Variants in DCC observed in about 807,000 individuals in gnomAD.
DCC encodes the protein DCC netrin 1 receptor.
DCC carries 58 observed loss-of-function variants against 172.5 expected under a neutral mutation model. That is an observed-to-expected ratio of 0.34 (90% CI 0.27 to 0.42). DCC has a LOEUF of 0.42. Among genes scored for constraint, DCC ranks in the 10% least tolerant of loss-of-function variants. The pLI is 1.00. For synonymous variants in DCC, 709 were observed against 644.5 expected (o/e 1.10, Z -1.52); for missense variants, 1,740 against 1,791.0 (o/e 0.97, Z 0.51).
chr18:53,235,475 A>G (rs562394946), intron 12 of DCC, among the ~76,000 whole-genome samples: 28 of 152,316 alleles, frequency 1.8e-4, no homozygotes, highest in South Asian at 1.0e-3. Context: ...CTTGTCTTCC[A>G]AGTAAGCATT....
chr18:52,852,911 T>C (rs1054986718), intron 2 of DCC, among the ~76,000 whole-genome samples: 5 of 152,204 alleles, frequency 3.3e-5, no homozygotes, highest in Non-Finnish European at 7.3e-5. Flanking sequence ...CTGTTAGTGG[T>C]TCCAGCTAAT....
chr18:52,801,293 C>A (rs1192709547), intron 2 of DCC, among the ~76,000 whole-genome samples: 2 of 152,166 alleles, frequency 1.3e-5, no homozygotes, highest in South Asian at 2.1e-4. Context: ...GAAGTCATGT[C>A]TTTTAGTGAT....
At chr18:52,800,895 T>C (rs1056294837) in intron 2 of DCC, among the ~76,000 whole-genome samples, 5 of 152,204 alleles carry the variant, frequency 3.3e-5, no homozygotes, top group African/African-American at 4.8e-5. Flanking sequence ...CTGGGCCAGC[T>C]GGACTGGTAT....
intron 21 of DCC, among the ~76,000 whole-genome samples, chr18:53,417,672 T>C (rs1910398033): frequency 6.6e-6 from 1 of 152,122 alleles, no homozygotes; most frequent in Non-Finnish European, 1.5e-5. Flanking sequence ...TATTTTAAAA[T>C]AATAGAGAAA....
intron 8 of DCC, among the ~76,000 whole-genome samples, chr18:53,160,475 G>A (rs1355289872): frequency 6.6e-6 from 1 of 152,116 alleles, no homozygotes; most frequent in Non-Finnish European, 1.5e-5. Flanking sequence ...TTGCATCAAT[G>A]TTTTGCCTGC....
intron 1 of DCC, among the ~76,000 whole-genome samples, chr18:52,716,799 C>A (rs1031356857): frequency 6.6e-6 from 1 of 152,202 alleles, no homozygotes; most frequent in African/African-American, 2.4e-5. Context: ...TTCAGTTTCT[C>A]TGAGCATTCT....
chr18:53,098,520 GT>G (rs1369895399), intron 7 of DCC, among the ~76,000 whole-genome samples: 2 of 152,144 alleles, frequency 1.3e-5, no homozygotes, highest in African/African-American at 4.8e-5. Context: ...TTTATCCAGT[GT>G]TTCGTGATGA....
chr18:52,994,889 T>C (rs1441401671), intron 5 of DCC, among the ~76,000 whole-genome samples: 1 of 152,134 alleles, frequency 6.6e-6, no homozygotes, highest in Non-Finnish European at 1.5e-5. Context: ...TTGATTTTTT[T>C]CTCTAAATTT....
At chr18:53,457,161 A>G (rs2045493240) in intron 23 of DCC, among the ~76,000 whole-genome samples, 1 of 152,236 alleles carries the variant, frequency 6.6e-6, no homozygotes, top group Non-Finnish European at 1.5e-5. Flanking sequence ...AATCCAGCAG[A>G]AAAATGCCTG....
At chr18:52,680,809 A>G (rs538487000) in intron 1 of DCC, among the ~76,000 whole-genome samples, 41 of 152,166 alleles carry the variant, frequency 2.7e-4, no homozygotes, top group African/African-American at 9.4e-4. Flanking sequence ...CTCTTCTTAC[A>G]CTGCCCTTCC....
intron 1 of DCC, among the ~76,000 whole-genome samples, chr18:52,352,843 G>A (rs2144248583): frequency 6.6e-6 from 1 of 152,248 alleles, no homozygotes; most frequent in South Asian, 2.1e-4. Context: ...TCTACTCCAA[G>A]TGTGCAGTCC....
intron 2 of DCC, among the ~76,000 whole-genome samples, chr18:52,823,305 G>T (rs2083333775): frequency 6.6e-6 from 1 of 152,088 alleles, no homozygotes; most frequent in South Asian, 2.1e-4. Flanking sequence ...TCTCTCAAAA[G>T]AAAACATCCG....
At chr18:52,436,489 G>A (rs539488198) in intron 1 of DCC, among the ~76,000 whole-genome samples, 1 of 152,172 alleles carries the variant, frequency 6.6e-6, no homozygotes, top group Non-Finnish European at 1.5e-5. Context: ...TTACATATGC[G>A]ATCCTGGGAC....
intron 5 of DCC, among the ~76,000 whole-genome samples, chr18:52,928,009 T>C (rs1294384265): frequency 6.6e-6 from 1 of 152,096 alleles, no homozygotes; most frequent in Non-Finnish European, 1.5e-5. Flanking sequence ...AGGTATGGAA[T>C]CAACCTAAAT....
chr18:53,475,043 C>A (rs1473520615), intron 25 of DCC, among the ~76,000 whole-genome samples: 1 of 152,196 alleles, frequency 6.6e-6, no homozygotes, highest in Non-Finnish European at 1.5e-5. Flanking sequence ...AGACTGGGGG[C>A]ATTTTGCCCC....
intron 2 of DCC, among the ~76,000 whole-genome samples, chr18:52,837,423 T>C (rs769663827): frequency 2.6e-5 from 4 of 152,212 alleles, no homozygotes; most frequent in Non-Finnish European, 5.9e-5. Flanking sequence ...AAATTTCTTC[T>C]GCCAGATACC....
chr18:52,957,801 G>T (rs75784942), intron 5 of DCC, among the ~76,000 whole-genome samples: 7 of 152,208 alleles, frequency 4.6e-5, no homozygotes, highest in Non-Finnish European at 8.8e-5. Flanking sequence ...AGTGGTAAAT[G>T]ATAGAAAATG....
intron 3 of DCC, among the ~76,000 whole-genome samples, chr18:52,914,753 CAG>C (rs1311014522): frequency 6.6e-6 from 1 of 152,064 alleles, no homozygotes; most frequent in South Asian, 2.1e-4. Context: ...TATTCTAAAA[CAG>C]AACTAGATGC....
intron 1 of DCC, among the ~76,000 whole-genome samples, chr18:52,520,466 G>C (rs2031777253): frequency 6.6e-6 from 1 of 152,156 alleles, no homozygotes; most frequent in Non-Finnish European, 1.5e-5. Flanking sequence ...GGAAACCATT[G>C]TTGATCATTA....
Sources: gnomAD v4.1 joint callset for allele counts (sites outside exome capture counted in the v4.1 genomes callset) on GRCh38, gnomAD v4.1.1 for gene constraint, MANE v1.5 for transcripts, NCBI Gene and HGNC (gene_info 2026-07-23, HGNC 2026-07-21) for gene names.